Variants in POFUT3 observed in about 807,000 individuals in gnomAD.
POFUT3 encodes protein O-fucosyltransferase 3.
At chr8:33,351,424 C>T in the POFUT3 span, among the ~76,000 whole-genome samples, 1 of 152,104 alleles carries the variant, frequency 6.6e-6, no homozygotes, top group Admixed American at 6.5e-5. Context: ...AATGCCCTTC[C>T]TGGTGATGGG....
At chr8:33,436,792 C>A in the POFUT3 span, 1 of 491,248 alleles carries the variant, frequency 2.0e-6, no homozygotes, top group Non-Finnish European at 3.7e-6. Context: ...CAATTTTTTT[C>A]AACTTTTATT....
the POFUT3 span, among the ~76,000 whole-genome samples, chr8:33,391,754 G>GT: frequency 5.3e-5 from 8 of 152,288 alleles, no homozygotes; most frequent in African/African-American, 1.9e-4. Flanking sequence ...GGGATTCAAG[G>GT]TGTGAGATGA....
the POFUT3 span, among the ~76,000 whole-genome samples, chr8:33,311,991 G>T: frequency 6.6e-6 from 1 of 152,070 alleles, no homozygotes; most frequent in Admixed American, 6.6e-5. Context: ...ATTTGGCCAG[G>T]CATGGTCACA....
chr8:33,328,395 A>C, the POFUT3 span, among the ~76,000 whole-genome samples: 1 of 152,106 alleles, frequency 6.6e-6, no homozygotes, highest in Non-Finnish European at 1.5e-5. Flanking sequence ...AAACAAAAAA[A>C]AAAAGCAGCT....
chr8:33,462,318 C>A, the POFUT3 span, among the ~76,000 whole-genome samples: 1 of 152,052 alleles, frequency 6.6e-6, no homozygotes, highest in South Asian at 2.1e-4. Context: ...TATATGAAGT[C>A]ATTCCCTTCT....
the POFUT3 span, among the ~76,000 whole-genome samples, chr8:33,408,684 T>C: frequency 6.6e-6 from 1 of 152,100 alleles, no homozygotes; most frequent in Non-Finnish European, 1.5e-5. Flanking sequence ...GTGAAAAAGA[T>C]GCCAGACAAA....
the POFUT3 span, among the ~76,000 whole-genome samples, chr8:33,408,217 T>C: frequency 6.6e-6 from 1 of 151,586 alleles, no homozygotes; most frequent in Admixed American, 6.6e-5. Context: ...TCCCAGCTAC[T>C]TGGAGGCTGA....
the POFUT3 span, among the ~76,000 whole-genome samples, chr8:33,402,530 C>G: frequency 1.3e-5 from 2 of 152,124 alleles, no homozygotes; most frequent in Non-Finnish European, 2.9e-5. Context: ...CTAGGATACC[C>G]CTACCTTGAT....
chr8:33,380,065 CTA>C, the POFUT3 span, among the ~76,000 whole-genome samples: 4,127 of 53,498 alleles, frequency 0.077, 517 homozygotes, highest in East Asian at 0.21. Flanking sequence ...TATATATACA[CTA>C]TATATATACA....
chr8:33,338,307 T>G, the POFUT3 span, among the ~76,000 whole-genome samples: 3 of 152,040 alleles, frequency 2.0e-5, no homozygotes, highest in Admixed American at 2.0e-4. Context: ...ACTGGTGAAT[T>G]CTACCCAATT....
At chr8:33,409,762 G>A in the POFUT3 span, among the ~76,000 whole-genome samples, 6 of 152,226 alleles carry the variant, frequency 3.9e-5, no homozygotes, top group African/African-American at 7.2e-5. Context: ...AAAATTAGCC[G>A]GGCGTGGTGG....
At chr8:33,375,211 A>T in the POFUT3 span, among the ~76,000 whole-genome samples, 1 of 152,110 alleles carries the variant, frequency 6.6e-6, no homozygotes, top group Non-Finnish European at 1.5e-5. Context: ...ACATTTTCAC[A>T]CATTCTTGCA....
At chr8:33,425,326 C>G in the POFUT3 span, among the ~76,000 whole-genome samples, 1 of 151,976 alleles carries the variant, frequency 6.6e-6, no homozygotes, top group African/African-American at 2.4e-5. Flanking sequence ...AGAACAAAAC[C>G]CTTTCTCTTA....
At chr8:33,402,579 A>G in the POFUT3 span, among the ~76,000 whole-genome samples, 18 of 152,114 alleles carry the variant, frequency 1.2e-4, no homozygotes, top group Non-Finnish European at 1.5e-5. Context: ...ACAGCAAAAA[A>G]CTTGGTCCAG....
the POFUT3 span, among the ~76,000 whole-genome samples, chr8:33,380,909 GA>G: frequency 1.3e-4 from 19 of 151,654 alleles, no homozygotes; most frequent in African/African-American, 4.6e-4. Flanking sequence ...CAAAGCAGGA[GA>G]ATGGCTTGAC....
the POFUT3 span, among the ~76,000 whole-genome samples, chr8:33,308,075 G>A: frequency 6.6e-6 from 1 of 151,988 alleles, no homozygotes; most frequent in African/African-American, 2.4e-5. Flanking sequence ...CATGTATTTT[G>A]GGATTTATTG....
At chr8:33,358,085 T>C in the POFUT3 span, among the ~76,000 whole-genome samples, 3 of 151,970 alleles carry the variant, frequency 2.0e-5, no homozygotes, top group Non-Finnish European at 4.4e-5. Context: ...CATCTCTCTA[T>C]ATAAAAAATA....
At chr8:33,380,903 G>A in the POFUT3 span, among the ~76,000 whole-genome samples, 1 of 151,044 alleles carries the variant, frequency 6.6e-6, no homozygotes, top group Non-Finnish European at 1.5e-5. Flanking sequence ...GAGGGCCAAA[G>A]CAGGAGAATG....
At chr8:33,468,003 GC>G in the POFUT3 span, among the ~76,000 whole-genome samples, 1 of 152,164 alleles carries the variant, frequency 6.6e-6, no homozygotes, top group Non-Finnish European at 1.5e-5. Flanking sequence ...ACTGTGGGAG[GC>G]CAAGGTGGGC....
Sources: allele counts gnomAD v4.1 joint callset (sites outside exome capture counted in the v4.1 genomes callset), GRCh38; gene constraint gnomAD v4.1.1; transcripts MANE v1.5; gene names NCBI Gene and HGNC (gene_info 2026-07-23, HGNC 2026-07-21).